PKNOX1: variants seen among roughly 807,000 people sequenced by gnomAD.
PKNOX1 encodes homeobox protein PKNOX1.
PKNOX1 carries 15 observed loss-of-function variants against 51.9 expected under a neutral mutation model. The observed-to-expected ratio is 0.29, with a 90% CI of 0.19 to 0.45. The LOEUF (loss-of-function observed/expected upper bound fraction) is 0.45. Ranked by LOEUF, PKNOX1 falls within the 20% of genes least tolerant of loss-of-function variation. The probability of loss-of-function intolerance (pLI) is 1.00; values close to 1 mark genes in which losing one functional copy is unlikely to be tolerated. For missense variants in PKNOX1, 462 were observed against 547.5 expected, an observed-to-expected ratio of 0.84 and a Z score of 1.56; for synonymous variants, 219 against 211.1, an observed-to-expected ratio of 1.04 and a Z score of -0.32.
In PKNOX1 at chr21:43,032,335, C is replaced by CTTCGTCCCTCACCACCCTCCGTCTT; in HGVS notation, c.*2238_*2239insTCCCTCACCACCCTCCGTCTTTTCG. The CTTCGTCCCTCACCACCCTCCGTCTT allele has an allele frequency of 2.5e-6, 1 of 397,764 alleles. No homozygotes were observed. The highest frequency in any genetic ancestry group is 2.8e-5 in the Admixed American group (1 of 36,166). 24.6% of individuals were successfully genotyped at this position (397,764 alleles called of 1,614,324 possible). A position where few individuals can be genotyped will look rare whatever the true frequency, so the allele number is the denominator to read the frequency against. The stretch of plus-strand genomic sequence containing the variant: ...CTCCTTCCCTCACCACCCTCCGTCT[C>CTTCGTCCCTCACCACCCTCCGTCTT]TTCGGCTGCTTGCTCTTTAGTGTAG... On this transcript the variant is annotated 3_prime_UTR_variant, in exon 11 of 11. Coordinates refer to ENST00000291547, the MANE Select transcript of PKNOX1 (RefSeq NM_004571.5).
chr21:43,016,273 T>C (rs1175482008), intron 5 of PKNOX1, among the ~76,000 whole-genome samples: 2 of 152,210 alleles, frequency 1.3e-5, no homozygotes, highest in African/African-American at 4.8e-5. Flanking sequence ...TAACCCCAGA[T>C]GCATAGAGTC....
At position 43,032,314 on chromosome 21, in the gene PKNOX1, T is replaced by TTCGCTCACCACCCTCCGTCTCTTCG; in HGVS notation, c.*2215_*2216insGCTCACCACCCTCCGTCTCTTCGTC. The stretch of plus-strand genomic sequence containing the variant: ...ATGAAAGCCAGCCAGCCCTTCCTCC[T>TTCGCTCACCACCCTCCGTCTCTTCG]TCCCTCACCACCCTCCGTCTCTTCG... On this transcript the variant is annotated 3_prime_UTR_variant, in exon 11 of 11. Coordinates refer to ENST00000291547, the MANE Select transcript of PKNOX1 (RefSeq NM_004571.5). The TTCGCTCACCACCCTCCGTCTCTTCG allele has an allele frequency of 2.4e-6, 1 of 414,962 alleles. No homozygotes were observed. The allele number at this position is 414,962 out of a possible 1,614,324, so 25.7% of individuals were successfully genotyped here.
intron 1 of PKNOX1, among the ~76,000 whole-genome samples, chr21:43,001,759 G>C (rs1043913601): frequency 3.3e-5 from 5 of 152,058 alleles, no homozygotes; most frequent in Non-Finnish European, 7.4e-5. Context: ...AGGAGATCGA[G>C]ACCGTCCTGG....
chr21:43,004,298 C>A (rs1315874445), intron 1 of PKNOX1, 28 bp from the exon 2 acceptor site: 1 of 933,310 alleles, frequency 1.1e-6, no homozygotes, highest in Non-Finnish European at 1.8e-6. Flanking sequence ...CAACTATTAA[C>A]TGATGCTTTT....
chr21:42,984,284 T>C (rs541269508), intron 1 of PKNOX1, among the ~76,000 whole-genome samples: 1 of 152,324 alleles, frequency 6.6e-6, no homozygotes, highest in Non-Finnish European at 1.5e-5. Context: ...TATTGTGTTA[T>C]GCTTTTAGTT....
intron 1 of PKNOX1, among the ~76,000 whole-genome samples, chr21:42,976,098 C>A (rs923615994): frequency 1.3e-5 from 2 of 152,114 alleles, no homozygotes; most frequent in African/African-American, 4.8e-5. Flanking sequence ...CACAGGCGTA[C>A]CTCAGATAAT....
chr21:43,023,916 A>ATTT (rs71332388), intron 8 of PKNOX1, among the ~76,000 whole-genome samples: 1 of 136,926 alleles, frequency 7.3e-6, no homozygotes, highest in Non-Finnish European at 1.6e-5. Flanking sequence ...ACCTGGCCAG[A>ATTT]TTTTTTTTTT....
chr21:43,027,492 C>G (rs1237634240), intron 9 of PKNOX1, among the ~76,000 whole-genome samples: 1 of 152,180 alleles, frequency 6.6e-6, no homozygotes, highest in African/African-American at 2.4e-5. Context: ...TCTCCTTGCA[C>G]TTTCTCACAT....
At chr21:43,019,795 G>A (rs1979674180) in intron 7 of PKNOX1, among the ~76,000 whole-genome samples, 1 of 152,256 alleles carries the variant, frequency 6.6e-6, no homozygotes, top group South Asian at 2.1e-4. Flanking sequence ...GCCTGCCTCG[G>A]CCTCCCAAAG....
At chr21:42,988,635 G>T (rs2059068855) in intron 1 of PKNOX1, among the ~76,000 whole-genome samples, 2 of 152,160 alleles carry the variant, frequency 1.3e-5, no homozygotes, top group African/African-American at 4.8e-5. Flanking sequence ...TTGAGCGCTG[G>T]GACACGCTTT....
intron 1 of PKNOX1, among the ~76,000 whole-genome samples, chr21:43,001,477 A>G (rs1268236323): frequency 2.0e-5 from 3 of 152,034 alleles, no homozygotes; most frequent in Admixed American, 6.6e-5. Flanking sequence ...GCACTCCCAC[A>G]TCCTTGGTCC....
At chr21:43,018,943 G>A (rs1472947053) in intron 7 of PKNOX1, among the ~76,000 whole-genome samples, 2 of 152,018 alleles carry the variant, frequency 1.3e-5, no homozygotes, top group African/African-American at 4.8e-5. Flanking sequence ...AAATTAGCTG[G>A]GTGCAGTGGT....
intron 9 of PKNOX1, among the ~76,000 whole-genome samples, chr21:43,025,490 G>A (rs1260924246): frequency 6.6e-6 from 1 of 152,200 alleles, no homozygotes; most frequent in African/African-American, 2.4e-5. Flanking sequence ...GCCATTCCTA[G>A]CAAAGAAACA....
intron 1 of PKNOX1, among the ~76,000 whole-genome samples, chr21:42,979,233 A>G (rs893023718): frequency 6.6e-6 from 1 of 152,206 alleles, no homozygotes; most frequent in Non-Finnish European, 1.5e-5. Context: ...ATCAAAGATC[A>G]CTGATCACAG....
intron 6 of PKNOX1, chr21:43,017,697 C>T (rs1376528797): frequency 6.4e-6 from 1 of 155,748 alleles, no homozygotes; most frequent in African/African-American, 2.4e-5. Flanking sequence ...GGAGCCCTCA[C>T]ACCCCAGGTC....
Position 43,015,238 on chromosome 21 carries a change from T to G in PKNOX1, c.523-1670T>G, listed in dbSNP as rs571458279. 2.0e-5 allele frequency among the ~76,000 whole-genome samples: 3 copies of G among 152,402 alleles called. No individual in the cohort carries two copies. The South Asian group carries it at 6.2e-4, about 32-fold the overall frequency. On this transcript the variant is annotated intron_variant, in intron 5 of 10. Transcript: ENST00000291547. Reference sequence around the variant, plus strand: ...TGGTTGCAGGTTTCTTTCTAGATGCTCTTTATCAAGTTAAGGAGGTTATCC... The same window carrying G: ...TGGTTGCAGGTTTCTTTCTAGATGCGCTTTATCAAGTTAAGGAGGTTATCC...
At chr21:43,029,364 C>G (rs1041738022) in intron 10 of PKNOX1, among the ~76,000 whole-genome samples, 1 of 142,832 alleles carries the variant, frequency 7.0e-6, no homozygotes, top group Non-Finnish European at 1.5e-5. Flanking sequence ...CGCATGAGGT[C>G]TTCATATTTT....
chr21:42,985,248 A>G (rs1250941842), intron 1 of PKNOX1, among the ~76,000 whole-genome samples: 1 of 150,630 alleles, frequency 6.6e-6, no homozygotes. Context: ...CGGCCTCTCA[A>G]AGTGCTGGGA....
chr21:42,993,727 TTTTTTTTC>T (rs869221298), intron 1 of PKNOX1, among the ~76,000 whole-genome samples: 368 of 2,972 alleles, frequency 0.12, 6 homozygotes, highest in African/African-American at 0.28. Context: ...CGTTAACTCT[TTTTTTTTC>T]TTTTTTTTTT....
Sources: gnomAD v4.1 joint callset for allele counts (sites outside exome capture counted in the v4.1 genomes callset) on GRCh38, gnomAD v4.1.1 for gene constraint, MANE v1.5 for transcripts, NCBI Gene and HGNC (gene_info 2026-07-23, HGNC 2026-07-21) for gene names.